PPP2R3A: variants seen among roughly 807,000 people sequenced by gnomAD.
PPP2R3A encodes serine/threonine-protein phosphatase 2A regulatory subunit B'' subunit alpha.
A neutral mutation model predicts 106.9 loss-of-function variants in PPP2R3A; 80 were observed. The ratio of observed to expected loss-of-function variants is 0.75; its 90% CI spans 0.62 to 0.90. The LOEUF is 0.90. PPP2R3A is among the 40% of genes least tolerant of loss of function. PPP2R3A has a pLI of 0.00. For missense variants in PPP2R3A, 1,386 were observed against 1,350.4 expected (o/e 1.03, Z -0.41); for synonymous variants, 483 against 468.3 (o/e 1.03, Z -0.41).
At position 136,146,701 on chromosome 3, in the gene PPP2R3A, G is replaced by A. The variant is rs1012039322; in HGVS notation, c.*1535G>A. 4 of 151,774 alleles carry A rather than the reference G, an allele frequency of 2.6e-5. No homozygotes were observed. The highest frequency in any genetic ancestry group is 2.6e-4 in the Admixed American group (4 of 15,226). The allele number at this position is 151,774 out of a possible 1,614,324, so 9.4% of individuals were successfully genotyped here. A position where few individuals can be genotyped will look rare whatever the true frequency, so the allele number is the denominator to read the frequency against. ...CAACTATCTAATAGTTCACACAAAA[G>A]AATTAAAAGCTTAAAAATAATTTTT... On this transcript the variant is annotated 3_prime_UTR_variant, in exon 14 of 14. Transcript: ENST00000264977.
intron 8 of PPP2R3A, among the ~76,000 whole-genome samples, chr3:136,086,913 A>G (rs1326441260): frequency 1.3e-5 from 2 of 152,222 alleles, no homozygotes; most frequent in East Asian, 3.9e-4. Flanking sequence ...GCATCTGTTA[A>G]AGAACAGGCT....
At chr3:136,042,000 C>T (rs1486822768) in intron 4 of PPP2R3A, among the ~76,000 whole-genome samples, 1 of 152,158 alleles carries the variant, frequency 6.6e-6, no homozygotes, top group Non-Finnish European at 1.5e-5. Context: ...CTTTTCTGAG[C>T]TAAATATCCT....
chr3:136,125,572 C>T lies in PPP2R3A; in HGVS notation c.3329+19250C>T, dbSNP rs374201078. Among the ~76,000 whole-genome samples, 7 of 151,998 alleles carry T rather than the reference C, an allele frequency of 4.6e-5. No homozygotes were observed. The East Asian group carries it at 5.8e-4, about 13-fold the overall frequency. On this transcript the variant is annotated intron_variant, in intron 13 of 13. Transcript: ENST00000264977. The stretch of plus-strand genomic sequence containing the variant: ...ACTACAAATCAATATTCCAGCCACC[C>T]GTGGTGGCTCACGCCTGTAATCCTG...
chr3:136,142,278 T>C (rs1938907302), intron 13 of PPP2R3A, among the ~76,000 whole-genome samples: 1 of 152,114 alleles, frequency 6.6e-6, no homozygotes, highest in Non-Finnish European at 1.5e-5. Flanking sequence ...GCACCATCCC[T>C]GCACTCTACC....
At chr3:135,987,755 A>G (rs574431052) in intron 1 of PPP2R3A, among the ~76,000 whole-genome samples, 8 of 152,204 alleles carry the variant, frequency 5.3e-5, no homozygotes, top group African/African-American at 1.9e-4. Context: ...TACACTGTCT[A>G]GTACTGTAGC....
At chr3:136,077,207 G>A (rs1936626380) in intron 6 of PPP2R3A, among the ~76,000 whole-genome samples, 1 of 152,068 alleles carries the variant, frequency 6.6e-6, no homozygotes, top group Admixed American at 6.6e-5. Context: ...CTGATAGCAG[G>A]GGTGGGGTAG....
intron 13 of PPP2R3A, chr3:136,107,027 G>A (rs1937530571): frequency 6.6e-6 from 1 of 151,402 alleles, no homozygotes; most frequent in Non-Finnish European, 1.5e-5. Context: ...TTTTGTGCAG[G>A]AAGTAACTTC....
intron 13 of PPP2R3A, among the ~76,000 whole-genome samples, chr3:136,130,585 C>A (rs575318784): frequency 6.6e-6 from 1 of 152,204 alleles, no homozygotes; most frequent in African/African-American, 2.4e-5. Flanking sequence ...CCATACTGCC[C>A]AAAGTAATTT....
intron 4 of PPP2R3A, among the ~76,000 whole-genome samples, chr3:136,041,843 A>G (rs1373794857): frequency 6.6e-6 from 1 of 152,122 alleles, no homozygotes; most frequent in African/African-American, 2.4e-5. Flanking sequence ...CAAACCCAAC[A>G]TCTTTCTTCT....
chr3:136,114,835 A>C (rs1391710640), intron 13 of PPP2R3A, among the ~76,000 whole-genome samples: 4 of 152,178 alleles, frequency 2.6e-5, no homozygotes. Context: ...ATGTGGGGGA[A>C]GGGGCAACTG....
At chr3:136,091,047 G>A (rs1937082617) in intron 10 of PPP2R3A, among the ~76,000 whole-genome samples, 1 of 152,188 alleles carries the variant, frequency 6.6e-6, no homozygotes, top group African/African-American at 2.4e-5. Context: ...TAGTATATAA[G>A]AACACATCCT....
chr3:136,009,719 C>T (rs938517287), intron 2 of PPP2R3A, among the ~76,000 whole-genome samples: 3 of 152,108 alleles, frequency 2.0e-5, no homozygotes, highest in Non-Finnish European at 4.4e-5. Context: ...TTAACAAGCC[C>T]TCCGGGTGAT....
intron 2 of PPP2R3A, chr3:136,022,708 T>A: frequency 4.1e-6 from 4 of 978,462 alleles, no homozygotes; most frequent in Non-Finnish European, 4.9e-6. Flanking sequence ...TGTTTCTAAC[T>A]TTGGTACACA....
Position 136,002,256 on chromosome 3 carries a change from G to A in PPP2R3A, c.758G>A (p.Cys253Tyr). ...LKKCTDIIKQCIKKKSGSSIS... is the reference protein window; with the variant it reads ...LKKCTDIIKQYIKKKSGSSIS... ...AAATGCACAGACATCATAAAACAAT[G>A]CATAAAGAAAAAATCAGGGAGTAGC... The change falls in exon 2 of 14, where the codon TGC becomes TAC. Residue 253 changes from cysteine to tyrosine, a missense_variant. Transcript: ENST00000264977. 6.2e-7 allele frequency: 1 copy of A among 1,613,754 alleles called. No individual in the cohort carries two copies. Among genetic ancestry groups the A allele is most frequent in the Non-Finnish European group, 8.5e-7 (1 of 1,179,878 alleles).
chr3:135,995,521 C>T (rs1296837316), intron 1 of PPP2R3A, among the ~76,000 whole-genome samples: 1 of 130,218 alleles, frequency 7.7e-6, no homozygotes, highest in African/African-American at 3.0e-5. Flanking sequence ...ATGGCACGAT[C>T]TCGGCTCACT....
intron 5 of PPP2R3A, among the ~76,000 whole-genome samples, chr3:136,050,641 C>T (rs931829550): frequency 6.6e-5 from 10 of 152,216 alleles, no homozygotes; most frequent in African/African-American, 2.4e-4. Flanking sequence ...AAGGTTTTAG[C>T]TGCACCCCTA....
chr3:136,026,931 A>G lies in PPP2R3A; in HGVS notation c.2095A>G (p.Asn699Asp), dbSNP rs1279161702. The change falls in exon 3 of 14, where the codon AAT becomes GAT. Residue 699 changes from asparagine to aspartate, a missense_variant. Asn to Asp is a conservative substitution (Grantham distance 23, BLOSUM62 1). Coordinates refer to ENST00000264977, the MANE Select transcript of PPP2R3A (RefSeq NM_002718.5). ...TCTCTCCCCGGTTCCCCATGTGAAT[A>G]ATGTTGTGAATGCGCCATTGTCCAT... ...RPLSPVPHVN[N>D]VVNAPLSINI... 6.2e-7 allele frequency: 1 copy of G among 1,613,504 alleles called. No homozygotes were observed. The highest frequency in any genetic ancestry group is 1.3e-5 in the African/African-American group (1 of 74,862).
intron 10 of PPP2R3A, among the ~76,000 whole-genome samples, chr3:136,095,881 C>T (rs1029361762): frequency 2.0e-5 from 3 of 152,092 alleles, no homozygotes; most frequent in Non-Finnish European, 2.9e-5. Flanking sequence ...TACAGATGCT[C>T]CTCCACTTAC....
At chr3:136,047,284 A>G (rs768763138) in intron 4 of PPP2R3A, among the ~76,000 whole-genome samples, 2 of 152,224 alleles carry the variant, frequency 1.3e-5, no homozygotes, top group Non-Finnish European at 2.9e-5. Context: ...CAGTAGTTCT[A>G]TTACTGGGTA....
Sources: allele counts gnomAD v4.1 joint callset (sites outside exome capture counted in the v4.1 genomes callset), GRCh38; gene constraint gnomAD v4.1.1; transcripts MANE v1.5; gene names NCBI Gene and HGNC (gene_info 2026-07-23, HGNC 2026-07-21).